Variants in GAD2 observed in about 807,000 individuals in gnomAD.
GAD2 encodes glutamate decarboxylase 2.
In GAD2, 22 loss-of-function variants were observed where a neutral mutation model predicts 80.1. The ratio of observed to expected loss-of-function variants is 0.27; its 90% confidence interval spans 0.20 to 0.39. The LOEUF is 0.39. GAD2 is among the 10% of genes least tolerant of loss of function. The probability of loss-of-function intolerance (pLI) is 1.00; values close to 1 mark genes in which losing one functional copy is unlikely to be tolerated. For missense variants in GAD2, 624 were observed against 738.4 expected (o/e 0.85, Z 1.80); for synonymous variants, 274 against 256.9 (o/e 1.07, Z -0.64).
intron 7 of GAD2, among the ~76,000 whole-genome samples, chr10:26,245,437 C>T (rs193104147): frequency 1.5e-5 from 2 of 132,624 alleles, no homozygotes; most frequent in Admixed American, 7.3e-5. Context: ...TGTTGTTTTA[C>T]CACAATTTTT....
At chr10:26,251,771 GA>G (rs1475782928) in intron 8 of GAD2, among the ~76,000 whole-genome samples, 1 of 152,280 alleles carries the variant, frequency 6.6e-6, no homozygotes, top group African/African-American at 2.4e-5. Context: ...GAGTATGTTG[GA>G]AAAAAATTTT....
chr10:26,292,829 G>T, intron 14 of GAD2, 73 bp from the exon 15 acceptor site: 11 of 1,232,922 alleles, frequency 8.9e-6, no homozygotes, highest in Non-Finnish European at 1.3e-5. Context: ...TGAATACATC[G>T]ATTTGAAATG....
At chr10:26,265,380 T>A (rs1845059986) in intron 8 of GAD2, among the ~76,000 whole-genome samples, 1 of 152,028 alleles carries the variant, frequency 6.6e-6, no homozygotes, top group Non-Finnish European at 1.5e-5. Context: ...AATTTTTGCA[T>A]CTTTAGTAGA....
Position 26,286,373 on chromosome 10 carries a change from A to C in GAD2, c.1265A>C (p.His422Pro). The change falls in exon 13 of 16, where the codon CAT becomes CCT. Residue 422 changes from histidine (H) to proline (P), a missense_variant. By Grantham distance (77) the His-to-Pro change is moderately conservative. Coordinates refer to ENST00000376261, the MANE Select transcript of GAD2 (RefSeq NM_001134366.2). ...TTGATGCAGAATTGCAACCAAATGC[A>C]TGCCTCCTACCTCTTTCAGCAAGAT... ...EGLMQNCNQM[H>P]ASYLFQQDKH... 6.2e-7 allele frequency: 1 copy of C among 1,613,680 alleles called. No individual in the cohort carries two copies. The highest frequency in any genetic ancestry group is 8.5e-7 in the Non-Finnish European group (1 of 1,179,848).
intron 4 of GAD2, 96 bp downstream of exon 4, chr10:26,219,372 A>G: frequency 1.3e-6 from 1 of 791,256 alleles, no homozygotes; most frequent in South Asian, 2.1e-5. Context: ...AGTTACTGAT[A>G]TTTTCAAAAT....
chr10:26,260,923 T>G (rs1257646672), intron 8 of GAD2, among the ~76,000 whole-genome samples: 2 of 152,236 alleles, frequency 1.3e-5, no homozygotes, highest in African/African-American at 4.8e-5. Context: ...ATAGTTGGTG[T>G]ATATACTTAT....
chr10:26,261,237 A>G (rs183611996), intron 8 of GAD2, among the ~76,000 whole-genome samples: 1 of 152,306 alleles, frequency 6.6e-6, no homozygotes, highest in Non-Finnish European at 1.5e-5. Context: ...TGTCTTTAGA[A>G]AATGTTTTCC....
intron 12 of GAD2, among the ~76,000 whole-genome samples, chr10:26,284,419 T>C (rs1485114359): frequency 6.6e-6 from 1 of 152,184 alleles, no homozygotes; most frequent in Non-Finnish European, 1.5e-5. Flanking sequence ...TGTGTTTTAA[T>C]GTGTTTTAAA....
At chr10:26,246,061 CT>C in intron 8 of GAD2, 61 bp downstream of exon 8, 1 of 1,416,516 alleles carries the variant, frequency 7.1e-7, no homozygotes, top group Non-Finnish European at 9.9e-7. Context: ...CAAGTAGTGC[CT>C]TTTGGTCTGA....
chr10:26,271,982 A>C (rs916256497), intron 10 of GAD2, among the ~76,000 whole-genome samples: 19 of 151,944 alleles, frequency 1.3e-4, no homozygotes, highest in Admixed American at 3.9e-4. Flanking sequence ...CTGCTCTCGA[A>C]CTCCTGACCT....
In GAD2 at chr10:26,219,167, T is replaced by C. The variant is rs1844422809; in HGVS notation, c.411T>C (p.Tyr137=). 1 of 1,613,902 alleles carries C rather than the reference T, an allele frequency of 6.2e-7. No homozygotes were observed. Among genetic ancestry groups the C allele is most frequent in the African/African-American group, 1.3e-5 (1 of 75,056 alleles). The change falls in exon 4 of 16, where the codon TAT becomes TAC. Residue 137 remains tyrosine (Y), a synonymous_variant. Transcript: ENST00000376261. Reference sequence around the variant, plus strand: ...CAACCAAAGTGATTGATTTCCATTATCCTAATGAGCTTCTCCAAGAATATA... The same window carrying C: ...CAACCAAAGTGATTGATTTCCATTACCCTAATGAGCTTCTCCAAGAATATA... ...DRSTKVIDFH[Y]PNELLQEYNW... is the part of the protein sequence containing the mutation.
intron 4 of GAD2, among the ~76,000 whole-genome samples, chr10:26,222,750 G>A (rs185902258): frequency 2.0e-5 from 3 of 152,242 alleles, no homozygotes; most frequent in African/African-American, 4.8e-5. Context: ...AGGCTGATAA[G>A]AGAGCACTCC....
chr10:26,295,081 A>AT (rs1340442049), intron 15 of GAD2, among the ~76,000 whole-genome samples: 1 of 112,376 alleles, frequency 8.9e-6, no homozygotes, highest in Non-Finnish European at 1.6e-5. Flanking sequence ...CAGAATAAAA[A>AT]CTTTTTTTTT....
At chr10:26,294,431 C>G (rs1834251909) in intron 15 of GAD2, among the ~76,000 whole-genome samples, 1 of 152,176 alleles carries the variant, frequency 6.6e-6, no homozygotes, top group Non-Finnish European at 1.5e-5. Context: ...ACCAAGCCTC[C>G]TAATTAGAGT....
At chr10:26,226,073 G>A (rs543914068) in intron 6 of GAD2, among the ~76,000 whole-genome samples, 1 of 147,438 alleles carries the variant, frequency 6.8e-6, no homozygotes, top group South Asian at 2.1e-4. Context: ...GAACATGCTG[G>A]GCTCTATTTT....
rs1414884545 is a variant in GAD2 at position 26,219,054 on chromosome 10, G to A, written c.298G>A (p.Ala100Thr). Reference sequence around the variant, plus strand: ...ATTTCATTCTTTAGACCTGCTGCCGGCGTGTGATGGAGAAAGGCCCACTTT... The same window carrying A: ...ATTTCATTCTTTAGACCTGCTGCCGACGTGTGATGGAGAAAGGCCCACTTT... ...AFLHATDLLPACDGERPTLAF... is the reference protein window; with the variant it reads ...AFLHATDLLPTCDGERPTLAF... Residue 100 changes from alanine (A) to threonine (T), a missense_variant, in exon 4 of 16, where the codon GCG becomes ACG. Coordinates refer to ENST00000376261, the MANE Select transcript of GAD2 (RefSeq NM_001134366.2). 4 of 1,575,066 alleles carry A rather than the reference G, an allele frequency of 2.5e-6. No homozygotes were observed. Among genetic ancestry groups the A allele is most frequent in the Admixed American group, 1.9e-5 (1 of 53,498 alleles).
In GAD2 at chr10:26,300,994, A is replaced by G. The variant is rs1014965629; in HGVS notation, c.*33A>G. On this transcript the variant is annotated 3_prime_UTR_variant, in exon 16 of 16. Transcript: ENST00000376261. ...GCTCACCAAGCTGTTCCACTTCTCT[A>G]GGTAGACAATTAAGTTGTCACAAAC... The G allele has an allele frequency of 4.5e-6, 7 of 1,562,898 alleles. No homozygotes were observed. Among genetic ancestry groups the G allele is most frequent in the African/African-American group, 4.1e-5 (3 of 73,752 alleles).
intron 11 of GAD2, among the ~76,000 whole-genome samples, chr10:26,276,179 A>C (rs551696063): frequency 6.6e-6 from 1 of 151,884 alleles, no homozygotes; most frequent in African/African-American, 2.4e-5. Context: ...ATAAAAATAA[A>C]AATAAATAAA....
intron 15 of GAD2, among the ~76,000 whole-genome samples, chr10:26,295,562 A>G (rs1834265721): frequency 6.7e-6 from 1 of 149,972 alleles, no homozygotes; most frequent in Non-Finnish European, 1.5e-5. Flanking sequence ...CCAGAGGGAA[A>G]AGAACTGAGG....
Sources: allele counts gnomAD v4.1 joint callset (sites outside exome capture counted in the v4.1 genomes callset), GRCh38; gene constraint gnomAD v4.1.1; transcripts MANE v1.5; gene names NCBI Gene and HGNC (gene_info 2026-07-23, HGNC 2026-07-21).